Variants in SCRG1 observed in about 807,000 individuals in gnomAD.
SCRG1 encodes stimulator of chondrogenesis 1.
A neutral mutation model predicts 7.7 loss-of-function variants in SCRG1; 3 were observed. The ratio of observed to expected loss-of-function variants is 0.39; its 90% CI spans 0.18 to 1.01. The LOEUF is 1.01. Ranked by LOEUF, SCRG1 falls within the 50% of genes least tolerant of loss-of-function variation. The pLI is 0.36. For synonymous variants in SCRG1, 46 were observed against 41.2 expected (o/e 1.12, Z -0.44); for missense variants, 110 against 117.2 (o/e 0.94, Z 0.28).
At chr4:173,389,739 A>T in intron 2 of SCRG1, 1 of 199,132 alleles carries the variant, frequency 5.0e-6, no homozygotes, top group Admixed American at 5.2e-5. Context: ...TCTGTTCTTA[A>T]TCAGAACACG....
chr4:173,477,922 C>A, the SCRG1 span, among the ~76,000 whole-genome samples: 1 of 152,018 alleles, frequency 6.6e-6, no homozygotes, highest in Non-Finnish European at 1.5e-5. Flanking sequence ...GCATGCACCA[C>A]CATACCCAGG....
chr4:173,419,594 C>T, the SCRG1 span: 9 of 725,668 alleles, frequency 1.2e-5, no homozygotes, highest in Non-Finnish European at 2.0e-5. Context: ...AGAATCATAA[C>T]CAAGGATTCA....
At chr4:173,447,761 GCA>G in the SCRG1 span, among the ~76,000 whole-genome samples, 18 of 152,122 alleles carry the variant, frequency 1.2e-4, no homozygotes, top group Non-Finnish European at 2.4e-4. Context: ...AAAATGAGAA[GCA>G]CATATAAAGT....
the SCRG1 span, among the ~76,000 whole-genome samples, chr4:173,412,634 A>G: frequency 6.6e-6 from 1 of 152,114 alleles, no homozygotes; most frequent in Non-Finnish European, 1.5e-5. Flanking sequence ...TATAATCCTG[A>G]GTCTGTGGAT....
chr4:173,401,665 G>GT (rs1392081265), upstream of SCRG1, among the ~76,000 whole-genome samples: 1 of 152,216 alleles, frequency 6.6e-6, no homozygotes, highest in Non-Finnish European at 1.5e-5. Flanking sequence ...AATGCTGCCT[G>GT]TAAGTGGTAC....
chr4:173,501,212 C>T, the SCRG1 span, among the ~76,000 whole-genome samples: 3 of 152,330 alleles, frequency 2.0e-5, no homozygotes, highest in South Asian at 2.1e-4. The surrounding 1 kb of genome is among the most constrained non-coding windows in gnomAD (Gnocchi z 5.1). Context: ...GCCCGAGCTC[C>T]GCGCTTACCG....
chr4:173,455,787 CA>C, the SCRG1 span, among the ~76,000 whole-genome samples: 16,585 of 152,070 alleles, frequency 0.11, 960 homozygotes, highest in African/African-American at 0.13. Flanking sequence ...ATATATTTTT[CA>C]AGTGTACAGA....
At chr4:173,466,348 T>A in the SCRG1 span, among the ~76,000 whole-genome samples, 1 of 152,150 alleles carries the variant, frequency 6.6e-6, no homozygotes, top group African/African-American at 2.4e-5. Flanking sequence ...GGAATCCAAG[T>A]GAAGAATTCC....
At chr4:173,447,321 C>T in the SCRG1 span, among the ~76,000 whole-genome samples, 2 of 152,176 alleles carry the variant, frequency 1.3e-5, no homozygotes, top group Admixed American at 6.5e-5. Flanking sequence ...TCCTAACTAT[C>T]TCCCAAAGAC....
chr4:173,428,829 T>G, the SCRG1 span, among the ~76,000 whole-genome samples: 1 of 152,208 alleles, frequency 6.6e-6, no homozygotes, highest in Non-Finnish European at 1.5e-5. Context: ...TTGATAGAAA[T>G]AGCATTGCTA....
the SCRG1 span, among the ~76,000 whole-genome samples, chr4:173,457,089 A>T: frequency 2.2e-4 from 34 of 152,354 alleles, 1 homozygote; most frequent in South Asian, 7.0e-3. Context: ...TTTCCTTGCC[A>T]CCCAAACTAG....
At chr4:173,434,389 C>T in the SCRG1 span, among the ~76,000 whole-genome samples, 3 of 152,212 alleles carry the variant, frequency 2.0e-5, no homozygotes, top group African/African-American at 7.2e-5. Flanking sequence ...TTTCTCAGGC[C>T]TCTATTTGCC....
At chr4:173,394,453 G>C (rs561945404) in intron 1 of SCRG1, among the ~76,000 whole-genome samples, 1 of 152,168 alleles carries the variant, frequency 6.6e-6, no homozygotes, top group East Asian at 1.9e-4. Context: ...GACCATCCTG[G>C]CTAACACGGT....
the SCRG1 span, among the ~76,000 whole-genome samples, chr4:173,488,741 C>A: frequency 7.9e-5 from 12 of 152,160 alleles, no homozygotes; most frequent in African/African-American, 2.7e-4. Flanking sequence ...TCTGACAAAC[C>A]CTCTCAGTGG....
the SCRG1 span, among the ~76,000 whole-genome samples, chr4:173,510,295 T>C: frequency 6.6e-6 from 1 of 152,080 alleles, no homozygotes; most frequent in Non-Finnish European, 1.5e-5. This position sits in a 1 kb window ranked among gnomAD's most constrained non-coding sequence, Gnocchi z 5.7. Context: ...TTGGTTTGTT[T>C]GGCTAATTTT....
the SCRG1 span, among the ~76,000 whole-genome samples, chr4:173,461,599 A>G: frequency 6.6e-6 from 1 of 152,192 alleles, no homozygotes; most frequent in Non-Finnish European, 1.5e-5. Context: ...GACAGCTATA[A>G]ATAAGCTCAG....
At chr4:173,437,800 T>C in the SCRG1 span, among the ~76,000 whole-genome samples, 1 of 152,318 alleles carries the variant, frequency 6.6e-6, no homozygotes, top group East Asian at 1.9e-4. Context: ...TAATCTTAAT[T>C]GCAGGAAAAG....
At chr4:173,478,306 G>A in the SCRG1 span, among the ~76,000 whole-genome samples, 1 of 151,882 alleles carries the variant, frequency 6.6e-6, no homozygotes, top group Non-Finnish European at 1.5e-5. Flanking sequence ...TGTTCTCTGG[G>A]CTATTAAGGC....
At chr4:173,428,168 C>T in the SCRG1 span, among the ~76,000 whole-genome samples, 1 of 152,146 alleles carries the variant, frequency 6.6e-6, no homozygotes, top group African/African-American at 2.4e-5. Context: ...TGGGTTAACA[C>T]TCCATTTAAC....
Sources: gnomAD v4.1 joint callset for allele counts (sites outside exome capture counted in the v4.1 genomes callset) on GRCh38, gnomAD v4.1.1 for gene constraint, Gnocchi (gnomAD v3.1) non-coding constraint, MANE v1.5 for transcripts, NCBI Gene and HGNC (gene_info 2026-07-23, HGNC 2026-07-21) for gene names.